Variants in DMD observed in about 807,000 individuals in gnomAD.
The protein encoded by DMD is dystrophin.
DMD carries 63 observed loss-of-function variants against 330.1 expected under a neutral mutation model. The ratio of observed to expected loss-of-function variants is 0.19; its 90% confidence interval spans 0.16 to 0.24. The LOEUF (loss-of-function observed/expected upper bound fraction) is 0.24, where lower values mean the gene tolerates loss of function less well. DMD is among the 10% of genes least tolerant of loss of function. The probability of loss-of-function intolerance (pLI) is 1.00; values close to 1 mark genes in which losing one functional copy is unlikely to be tolerated. For synonymous variants in DMD, 1,223 were observed against 959.8 expected (o/e 1.27, Z -5.07); for missense variants, 3,344 against 2,684.1 (o/e 1.25, Z -5.43).
At chrX:33,114,789 T>A (rs1488159847) in intron 1 of DMD, among the ~76,000 whole-genome samples, 2 of 112,327 alleles carry the variant, frequency 1.8e-5, no homozygotes, top group Non-Finnish European at 3.8e-5. Flanking sequence ...TAATAGTGCC[T>A]GTGTTTAACA....
chrX:31,404,909 C>T (rs1280159846), intron 60 of DMD, among the ~76,000 whole-genome samples: 2 of 111,646 alleles, frequency 1.8e-5, no homozygotes, highest in Admixed American at 1.9e-4. Flanking sequence ...GCAGAGAGTG[C>T]GAACAGAACA....
chrX:31,506,941 C>T (rs778180506), intron 56 of DMD, among the ~76,000 whole-genome samples: 1 of 111,687 alleles, frequency 9.0e-6, no homozygotes, highest in Non-Finnish European at 1.9e-5. Context: ...AATACATATC[C>T]GTTAATTTTT....
rs749272897 is a variant in DMD at position 32,093,042 on chromosome X, A to G, written c.6438+123874T>C. 1.6e-4 allele frequency among the ~76,000 whole-genome samples: 18 copies of G among 111,237 alleles called. No individual in the cohort carries two copies. The South Asian group carries it at 6.4e-3, about 39-fold the overall frequency. The stretch of plus-strand genomic sequence containing the variant: ...ACTACTTAATTAGTTTTTGTATTCA[A>G]TAGTCTTGCTCATTGGCGCTAACAT... On this transcript the variant is annotated intron_variant, in intron 44 of 78. Transcript: ENST00000357033.
At chrX:31,384,351 TAC>T (rs2060345955) in intron 60 of DMD, among the ~76,000 whole-genome samples, 1 of 110,492 alleles carries the variant, frequency 9.1e-6, no homozygotes, top group East Asian at 2.8e-4. Context: ...CTACTACTAC[TAC>T]TACTACTACT....
chrX:31,270,124 C>T (rs758851405), intron 62 of DMD, among the ~76,000 whole-genome samples: 2 of 111,485 alleles, frequency 1.8e-5, no homozygotes, highest in East Asian at 2.8e-4. Context: ...ACAGCAATAG[C>T]ATTCCACCAG....
chrX:32,831,697 T>C (rs1406997), intron 4 of DMD, among the ~76,000 whole-genome samples: 1 of 101,693 alleles, frequency 9.8e-6, no homozygotes, highest in South Asian at 4.6e-4. Context: ...TGTGTGTGTG[T>C]GATGTGTGGT....
chrX:32,798,174 ATATT>A (rs1370201656), intron 7 of DMD, among the ~76,000 whole-genome samples: 1 of 112,185 alleles, frequency 8.9e-6, no homozygotes, highest in Non-Finnish European at 1.9e-5. Flanking sequence ...CACAAATATC[ATATT>A]TAATGTTTTT....
chrX:32,402,072 T>A (rs1002893008), intron 30 of DMD, among the ~76,000 whole-genome samples: 19 of 111,705 alleles, frequency 1.7e-4, no homozygotes, highest in Non-Finnish European at 3.6e-4. Context: ...TGCTTTAGCA[T>A]TAAAATTCAT....
At chrX:32,644,633 C>T (rs961269418) in intron 10 of DMD, among the ~76,000 whole-genome samples, 1 of 110,159 alleles carries the variant, frequency 9.1e-6, no homozygotes, top group African/African-American at 3.3e-5. Flanking sequence ...AGAAGCCAAA[C>T]GAGTGTATCA....
chrX:32,710,650 C>G (rs2065103867), intron 7 of DMD, among the ~76,000 whole-genome samples: 1 of 110,537 alleles, frequency 9.0e-6, no homozygotes. Flanking sequence ...AACGTATTTT[C>G]AAAAATAATA....
chrX:32,838,368 G>A (rs1046307764), intron 4 of DMD, among the ~76,000 whole-genome samples: 1 of 110,878 alleles, frequency 9.0e-6, no homozygotes, highest in Non-Finnish European at 1.9e-5. Context: ...CCTACATTAG[G>A]TATTTCTCCT....
intron 41 of DMD, among the ~76,000 whole-genome samples, chrX:32,336,004 C>CAT (rs1483632140): frequency 1.0e-4 from 3 of 29,822 alleles, no homozygotes; most frequent in Admixed American, 5.4e-4. Context: ...GTATATATAA[C>CAT]GTTATATATA....
At chrX:31,703,735 G>T (rs1042562129) in intron 52 of DMD, among the ~76,000 whole-genome samples, 1 of 111,503 alleles carries the variant, frequency 9.0e-6, no homozygotes, top group African/African-American at 3.3e-5. Flanking sequence ...TGGGGCTTTT[G>T]TATTAAGGGG....
intron 11 of DMD, among the ~76,000 whole-genome samples, chrX:32,628,969 A>G (rs562457917): frequency 1.1e-4 from 12 of 112,062 alleles, no homozygotes; most frequent in African/African-American, 3.9e-4. Context: ...ATGTGCTGAG[A>G]AGAAGAATAT....
intron 1 of DMD, among the ~76,000 whole-genome samples, chrX:33,322,583 A>G (rs1326617828): frequency 9.0e-6 from 1 of 111,533 alleles, no homozygotes; most frequent in Non-Finnish European, 1.9e-5. Flanking sequence ...CAGCTTGTTG[A>G]GGGCAGAAAT....
In DMD at chrX:31,275,960, C is replaced by T. The variant is rs192995745; in HGVS notation, c.9225-14944G>A. Among the ~76,000 whole-genome samples the T allele has an allele frequency of 1.1e-3, 126 of 112,324 alleles. No individual in the cohort carries two copies. In the Middle Eastern group the frequency reaches 0.014, roughly 12 times the overall value. On this transcript the variant is annotated intron_variant, in intron 62 of 78. Coordinates refer to ENST00000357033, the MANE Select transcript of DMD (RefSeq NM_004006.3). Reference sequence around the variant, plus strand: ...GTAAAGGCTTTAGGGCAACTTATAACAATGTATAACTCTTAAAAATTAATA... The same window carrying T: ...GTAAAGGCTTTAGGGCAACTTATAATAATGTATAACTCTTAAAAATTAATA...
chrX:31,716,394 A>ATACAAAAT (rs2148939172), intron 52 of DMD, among the ~76,000 whole-genome samples: 1 of 111,584 alleles, frequency 9.0e-6, no homozygotes, highest in East Asian at 2.8e-4. Context: ...TCTACTAAAA[A>ATACAAAAT]TACAAAATTA....
At position 31,337,248 on chromosome X, in the gene DMD, AT is replaced by A. The variant is rs201817968; in HGVS notation, c.9163+11307del. On this transcript the variant is annotated intron_variant, in intron 61 of 78. Transcript: ENST00000357033. ...CATGTTATTCTTCATGCCTCTCTGTATCCTGAAAATGTTCCTTATCACCTAA... is the reference window on the plus strand; with the variant it reads ...CATGTTATTCTTCATGCCTCTCTGTACCTGAAAATGTTCCTTATCACCTAA... 5.9e-3 allele frequency among the ~76,000 whole-genome samples: 649 copies of A among 110,903 alleles called. 5 individuals carry two copies. The highest frequency in any genetic ancestry group is 0.021 in the African/African-American group (628 of 30,467).
intron 29 of DMD, among the ~76,000 whole-genome samples, chrX:32,427,389 GATA>G (rs1419769499): frequency 1.8e-5 from 2 of 110,951 alleles, no homozygotes; most frequent in Non-Finnish European, 3.8e-5. Flanking sequence ...CTGTGCCAGA[GATA>G]ATATTTTGGG....
Sources: gnomAD v4.1 joint callset for allele counts (sites outside exome capture counted in the v4.1 genomes callset) on GRCh38, gnomAD v4.1.1 for gene constraint, MANE v1.5 for transcripts, NCBI Gene and HGNC (gene_info 2026-07-23, HGNC 2026-07-21) for gene names.